Variants in THEMIS observed in about 807,000 individuals in gnomAD.
THEMIS encodes the protein thymocyte selection associated.
A neutral mutation model predicts 52.6 loss-of-function variants in THEMIS; 37 were observed. The ratio of observed to expected loss-of-function variants is 0.70; its 90% CI spans 0.54 to 0.93. The LOEUF is 0.93. Among genes scored for constraint, THEMIS ranks in the 40% least tolerant of loss-of-function variants. THEMIS has a pLI of 0.00. For synonymous variants in THEMIS, 292 were observed against 272.7 expected, an observed-to-expected ratio of 1.07 and a Z score of -0.70; for missense variants, 808 against 763.1, an observed-to-expected ratio of 1.06 and a Z score of -0.69.
chr6:127,846,421 T>C (rs1161449767), intron 2 of THEMIS, among the ~76,000 whole-genome samples: 1 of 151,648 alleles, frequency 6.6e-6, no homozygotes, highest in East Asian at 2.0e-4. Flanking sequence ...AGAGAGAAGA[T>C]TTAAATAAGC....
At chr6:127,791,664 C>T (rs1266210238) in intron 4 of THEMIS, among the ~76,000 whole-genome samples, 1 of 152,180 alleles carries the variant, frequency 6.6e-6, no homozygotes, top group Non-Finnish European at 1.5e-5. Flanking sequence ...AACCTGCTCT[C>T]CATGGTGCCT....
intron 4 of THEMIS, among the ~76,000 whole-genome samples, chr6:127,782,137 A>G (rs1776766195): frequency 6.6e-6 from 1 of 152,102 alleles, no homozygotes; most frequent in African/African-American, 2.4e-5. Flanking sequence ...GTAATGGTGG[A>G]CACCCCTCCC....
intron 1 of THEMIS, among the ~76,000 whole-genome samples, chr6:127,881,472 T>C (rs544061453): frequency 6.6e-6 from 1 of 152,042 alleles, no homozygotes; most frequent in African/African-American, 2.4e-5. Context: ...CATTTGCCAG[T>C]ACTCCATTTT....
At chr6:127,727,366 T>C (rs1330179892) in intron 4 of THEMIS, among the ~76,000 whole-genome samples, 2 of 152,202 alleles carry the variant, frequency 1.3e-5, no homozygotes, top group South Asian at 2.1e-4. Flanking sequence ...ATGTGACACA[T>C]TTTTTGTTAG....
At chr6:127,897,893 A>G (rs1414330306) in intron 1 of THEMIS, among the ~76,000 whole-genome samples, 3 of 151,754 alleles carry the variant, frequency 2.0e-5, no homozygotes, top group African/African-American at 2.4e-5. Flanking sequence ...TATTGGCAGT[A>G]GAATTAATAC....
intron 2 of THEMIS, among the ~76,000 whole-genome samples, chr6:127,839,633 G>C (rs570126149): frequency 1.3e-5 from 2 of 152,184 alleles, no homozygotes; most frequent in East Asian, 3.9e-4. Context: ...CTTTCAAAGA[G>C]CTGGGATTAC....
rs1438880424 is a variant in THEMIS, at chr6:127,709,096, A to G, written c.*889T>C. On this transcript the variant is annotated 3_prime_UTR_variant, in exon 6 of 6. Transcript: ENST00000368248. ...AGAGCCCTTAAAGTAATTTTTATAG[A>G]TGGTACAACTATAAGAGCATCATTC... 1 of 152,050 alleles carries G rather than the reference A, an allele frequency of 6.6e-6. No homozygotes were observed. The highest frequency in any genetic ancestry group is 1.9e-4 in the East Asian group (1 of 5,186). 9.4% of individuals were successfully genotyped at this position (152,050 alleles called of 1,614,324 possible). A position where few individuals can be genotyped will look rare whatever the true frequency, so the allele number is the denominator to read the frequency against.
upstream of THEMIS, among the ~76,000 whole-genome samples, chr6:127,902,827 C>A (rs1781178162): frequency 1.3e-5 from 2 of 151,978 alleles, no homozygotes; most frequent in African/African-American, 4.8e-5. Context: ...CTGTGGACTG[C>A]TCCTTAAAAA....
At chr6:127,832,808 G>A (rs920006014) in intron 2 of THEMIS, among the ~76,000 whole-genome samples, 11 of 34,628 alleles carry the variant, frequency 3.2e-4, no homozygotes, top group Non-Finnish European at 4.2e-4. Context: ...TTTTGAGATG[G>A]AGTCTTGCTC....
intron 1 of THEMIS, among the ~76,000 whole-genome samples, chr6:127,872,747 C>G (rs767048852): frequency 3.3e-5 from 5 of 152,124 alleles, no homozygotes; most frequent in Non-Finnish European, 7.3e-5. Flanking sequence ...GCTATCCACT[C>G]TAACCACTCT....
At chr6:127,911,951 T>C (rs372376143) in intron 1 of THEMIS, among the ~76,000 whole-genome samples, 2 of 151,944 alleles carry the variant, frequency 1.3e-5, no homozygotes, top group South Asian at 2.1e-4. Context: ...GCCACAGATA[T>C]TGTGTAGAAT....
intron 4 of THEMIS, among the ~76,000 whole-genome samples, chr6:127,801,613 C>G (rs1303322176): frequency 6.6e-6 from 1 of 152,110 alleles, no homozygotes. Flanking sequence ...CTTCCCCATC[C>G]CCAGTAGTGA....
intron 4 of THEMIS, among the ~76,000 whole-genome samples, chr6:127,751,374 G>A (rs1775638387): frequency 6.6e-6 from 1 of 151,478 alleles, no homozygotes; most frequent in African/African-American, 2.4e-5. Flanking sequence ...AAAATAAAGA[G>A]AAAGGAAGGA....
At chr6:127,873,344 T>G (rs919142639) in intron 1 of THEMIS, among the ~76,000 whole-genome samples, 29 of 152,102 alleles carry the variant, frequency 1.9e-4, no homozygotes, top group African/African-American at 6.5e-4. Flanking sequence ...AACAATTTCG[T>G]AAAAGAAGAC....
chr6:127,887,024 T>A (rs1780668440), intron 1 of THEMIS, among the ~76,000 whole-genome samples: 1 of 147,772 alleles, frequency 6.8e-6, no homozygotes, highest in African/African-American at 2.5e-5. Flanking sequence ...CCCCAAAAAA[T>A]ACATTGGATT....
chr6:127,711,579 C>T (rs1007772495), intron 5 of THEMIS, among the ~76,000 whole-genome samples: 6 of 151,970 alleles, frequency 3.9e-5, no homozygotes, highest in African/African-American at 1.4e-4. Context: ...TCATGATCCA[C>T]TGTCCTCAAT....
chr6:127,709,844 AGG>A lies in THEMIS; in HGVS notation c.*139_*140del. The A allele has an allele frequency of 2.9e-6, 2 of 683,176 alleles. No individual in the cohort carries two copies. Among genetic ancestry groups the A allele is most frequent in the Non-Finnish European group, 4.9e-6 (2 of 407,596 alleles). The allele number at this position is 683,176 out of a possible 1,614,324, so 42.3% of individuals were successfully genotyped here. ...TAAGTTTTATCTGTTAAAAGTTTTA[AGG>A]TTGTTCTTTCCTTTGCAGCGATGAA... On this transcript the variant is annotated 3_prime_UTR_variant, in exon 6 of 6. Coordinates refer to ENST00000368248, the MANE Select transcript of THEMIS (RefSeq NM_001010923.3).
At chr6:127,861,383 C>T (rs1385881187) in intron 1 of THEMIS, among the ~76,000 whole-genome samples, 1 of 152,112 alleles carries the variant, frequency 6.6e-6, no homozygotes, top group African/African-American at 2.4e-5. Context: ...AGTGTGTTCG[C>T]ACAATACATA....
At chr6:127,874,405 AC>A (rs5879864) in intron 1 of THEMIS, among the ~76,000 whole-genome samples, 16,405 of 152,200 alleles carry the variant, frequency 0.11, 1,305 homozygotes, top group East Asian at 0.43. Flanking sequence ...AAAAATGTTA[AC>A]TTTTTATAAT....
Sources: gnomAD v4.1 joint callset for allele counts (sites outside exome capture counted in the v4.1 genomes callset) on GRCh38, gnomAD v4.1.1 for gene constraint, MANE v1.5 for transcripts, NCBI Gene and HGNC (gene_info 2026-07-23, HGNC 2026-07-21) for gene names.